The following THSD7B variants were observed in gnomAD, a reference collection of about 807,000 sequenced individuals.
THSD7B encodes thrombospondin type-1 domain-containing protein 7B.
In THSD7B, 138 loss-of-function variants were observed where a neutral mutation model predicts 213.6. The ratio of observed to expected loss-of-function variants is 0.65; its 90% CI spans 0.56 to 0.74. The LOEUF (loss-of-function observed/expected upper bound fraction) is 0.74, where lower values mean the gene tolerates loss of function less well. Among genes scored for constraint, THSD7B ranks in the 30% least tolerant of loss-of-function variants. THSD7B has a pLI of 0.00. For synonymous variants in THSD7B, 742 were observed against 687.0 expected (o/e 1.08, Z -1.25); for missense variants, 1,931 against 1,991.5 (o/e 0.97, Z 0.58).
At position 137,448,806 on chromosome 2, in the gene THSD7B, C is replaced by CAAA. The variant is rs1172828391; in HGVS notation, c.2960-2037_2960-2036insAAA. Among the ~76,000 whole-genome samples the CAAA allele has an allele frequency of 3.7e-4, 54 of 147,562 alleles. 1 individual carries two copies. The East Asian group carries it at 0.011, about 29-fold the overall frequency. ...AGAGCGAGACTCCATCTCAAAACAACAACAACAACAACAACAACAACAACA... is the reference window on the plus strand; with the variant it reads ...AGAGCGAGACTCCATCTCAAAACAACAAAAACAACAACAACAACAACAACAACA... On this transcript the variant is annotated intron_variant, in intron 14 of 27. Coordinates refer to ENST00000409968, the MANE Select transcript of THSD7B (RefSeq NM_001316349.2).
At chr2:137,539,021 C>G (rs34084191) in intron 15 of THSD7B, among the ~76,000 whole-genome samples, 25,298 of 151,556 alleles carry the variant, frequency 0.17, 2,250 homozygotes, top group South Asian at 0.28. Context: ...TTTCTTAAAG[C>G]CATTAGTCTA....
At chr2:137,347,806 A>G (rs139645702) in intron 12 of THSD7B, among the ~76,000 whole-genome samples, 1 of 151,644 alleles carries the variant, frequency 6.6e-6, no homozygotes, top group Non-Finnish European at 1.5e-5. Context: ...CTTAAGAGTT[A>G]TTTACATGAA....
chr2:137,656,704 T>C (rs1683242448), intron 22 of THSD7B, 92 bp from the exon 23 acceptor site: 2 of 1,279,474 alleles, frequency 1.6e-6, no homozygotes, highest in East Asian at 2.5e-5. Flanking sequence ...CATGTATCAC[T>C]GCAAATCTCT....
intron 1 of THSD7B, among the ~76,000 whole-genome samples, chr2:136,773,975 C>T (rs116721959): frequency 0.021 from 3,153 of 151,898 alleles, 50 homozygotes; most frequent in Middle Eastern, 0.049. Context: ...TTCTCTCTAT[C>T]TCATTACTCT....
chr2:137,285,563 G>A (rs1009205323), intron 12 of THSD7B, among the ~76,000 whole-genome samples: 6 of 149,254 alleles, frequency 4.0e-5, no homozygotes, highest in African/African-American at 1.5e-4. Flanking sequence ...TCCATGTTTA[G>A]TGCTTCCTTC....
intron 2 of THSD7B, among the ~76,000 whole-genome samples, chr2:137,040,742 C>T (rs546166836): frequency 6.6e-6 from 1 of 152,100 alleles, no homozygotes; most frequent in South Asian, 2.1e-4. Context: ...ACTCAGTGTA[C>T]CCCATGGCTT....
intron 7 of THSD7B, among the ~76,000 whole-genome samples, chr2:137,185,117 GCAAA>G (rs1680526579): frequency 6.6e-6 from 1 of 152,084 alleles, no homozygotes; most frequent in Non-Finnish European, 1.5e-5. Flanking sequence ...CCGAGAATTG[GCAAA>G]CAGTTATCCA....
At chr2:137,590,048 C>T (rs930449989) in intron 17 of THSD7B, among the ~76,000 whole-genome samples, 1 of 151,908 alleles carries the variant, frequency 6.6e-6, no homozygotes, top group Non-Finnish European at 1.5e-5. Context: ...TCATGGCCCT[C>T]CTGATTTTTC....
intron 15 of THSD7B, among the ~76,000 whole-genome samples, chr2:137,505,710 G>A (rs769117138): frequency 6.6e-6 from 1 of 152,204 alleles, no homozygotes; most frequent in African/African-American, 2.4e-5. Context: ...CAGATGAGAA[G>A]GTGACTGCCA....
At chr2:136,804,248 C>T (rs1682243276) in intron 1 of THSD7B, among the ~76,000 whole-genome samples, 1 of 152,070 alleles carries the variant, frequency 6.6e-6, no homozygotes, top group Non-Finnish European at 1.5e-5. Flanking sequence ...GTTCAGCTTC[C>T]TCATGTGCAA....
Position 136,825,718 on chromosome 2 carries a change from A to ATTTTTTTTTTTTTGTTTTTTT in THSD7B, c.-35-56413_-35-56412insGTTTTTTTTTTTTTTTTTTTT, listed in dbSNP as rs1553451023. 5.1e-5 allele frequency among the ~76,000 whole-genome samples: 6 copies of ATTTTTTTTTTTTTGTTTTTTT among 116,898 alleles called. 2 individuals carry two copies. The East Asian group carries it at 1.5e-3, about 29-fold the overall frequency. The allele number at this position is 116,898 out of a possible 152,430, so 76.7% of individuals were successfully genotyped here. A position where few individuals can be genotyped will look rare whatever the true frequency, so the allele number is the denominator to read the frequency against. On this transcript the variant is annotated intron_variant, in intron 1 of 27. Transcript: ENST00000409968. Reference sequence around the variant, plus strand: ...AGGTGCTCACTGCCATGCCTGGCTAATTTTTTTTTTTTTTTTAGATCTGGG... The same window carrying ATTTTTTTTTTTTTGTTTTTTT: ...AGGTGCTCACTGCCATGCCTGGCTAATTTTTTTTTTTTTGTTTTTTTTTTTTTTTTTTTTTTTAGATCTGGG...
At chr2:137,382,432 G>A (rs180895264) in intron 12 of THSD7B, among the ~76,000 whole-genome samples, 193 of 152,334 alleles carry the variant, frequency 1.3e-3, no homozygotes, top group African/African-American at 4.1e-3. Flanking sequence ...ACAACAGATG[G>A]TTTTGGTTGG....
intron 7 of THSD7B, among the ~76,000 whole-genome samples, chr2:137,199,459 T>G (rs1680834020): frequency 6.6e-6 from 1 of 152,188 alleles, no homozygotes; most frequent in South Asian, 2.1e-4. Flanking sequence ...TTAAAGTATT[T>G]CATATGTGCA....
At chr2:137,635,957 A>T (rs549554281) in intron 20 of THSD7B, among the ~76,000 whole-genome samples, 1 of 152,260 alleles carries the variant, frequency 6.6e-6, no homozygotes, top group East Asian at 1.9e-4. Flanking sequence ...CCCGTCTTGC[A>T]TCCCAAACTG....
At chr2:137,335,389 A>T (rs1684615836) in intron 12 of THSD7B, among the ~76,000 whole-genome samples, 1 of 152,202 alleles carries the variant, frequency 6.6e-6, no homozygotes, top group African/African-American at 2.4e-5. Context: ...CCTCCTTCTC[A>T]TTCCATGAAG....
chr2:136,836,787 C>T (rs1426667142), intron 1 of THSD7B, among the ~76,000 whole-genome samples: 1 of 152,114 alleles, frequency 6.6e-6, no homozygotes, highest in Non-Finnish European at 1.5e-5. Context: ...TAGTGTATAT[C>T]TCTCCTTGGA....
At chr2:136,997,574 A>G (rs1009181163) in intron 2 of THSD7B, among the ~76,000 whole-genome samples, 1 of 152,218 alleles carries the variant, frequency 6.6e-6, no homozygotes, top group Non-Finnish European at 1.5e-5. Flanking sequence ...AAGTGCCACC[A>G]GAAGTGGGAA....
At chr2:137,557,300 C>T (rs1310947799) in intron 15 of THSD7B, among the ~76,000 whole-genome samples, 1 of 152,152 alleles carries the variant, frequency 6.6e-6, no homozygotes, top group Non-Finnish European at 1.5e-5. Context: ...AAGTGAAGCA[C>T]TCCTCAGCAA....
intron 1 of THSD7B, among the ~76,000 whole-genome samples, chr2:136,816,421 T>G (rs1207934815): frequency 2.0e-5 from 3 of 152,248 alleles, no homozygotes; most frequent in African/African-American, 7.2e-5. Context: ...TATTGTTTAA[T>G]GCTATTTTAA....
Sources: gnomAD v4.1 joint callset for allele counts (sites outside exome capture counted in the v4.1 genomes callset) on GRCh38, gnomAD v4.1.1 for gene constraint, MANE v1.5 for transcripts, NCBI Gene and HGNC (gene_info 2026-07-23, HGNC 2026-07-21) for gene names.